GPC5: variants seen among roughly 807,000 people sequenced by gnomAD.
GPC5 encodes glypican 5.
A neutral mutation model predicts 53.9 loss-of-function variants in GPC5; 47 were observed. That is an observed-to-expected ratio of 0.87 (90% CI 0.69 to 1.11). The LOEUF (loss-of-function observed/expected upper bound fraction) is 1.11, where lower values mean the gene tolerates loss of function less well. GPC5 is among the 50% of genes most tolerant of loss of function. The probability of loss-of-function intolerance (pLI) is 0.00; values close to 1 mark genes in which losing one functional copy is unlikely to be tolerated. For missense variants in GPC5, 748 were observed against 713.1 expected (o/e 1.05, Z -0.56); for synonymous variants, 286 against 263.3 (o/e 1.09, Z -0.84).
intron 6 of GPC5, among the ~76,000 whole-genome samples, chr13:91,969,467 T>C (rs1287976117): frequency 6.6e-6 from 1 of 152,108 alleles, no homozygotes; most frequent in Non-Finnish European, 1.5e-5. Context: ...GTCTTGATGG[T>C]AATTTTTTTT....
intron 2 of GPC5, among the ~76,000 whole-genome samples, chr13:91,631,957 G>C (rs1247261939): frequency 6.6e-6 from 1 of 152,094 alleles, no homozygotes; most frequent in African/African-American, 2.4e-5. Flanking sequence ...TTAAAAGTTT[G>C]TACTGTAGAT....
chr13:92,603,179 A>G (rs965102455), intron 7 of GPC5, among the ~76,000 whole-genome samples: 2 of 152,226 alleles, frequency 1.3e-5, no homozygotes, highest in Admixed American at 6.5e-5. Flanking sequence ...TCTCAATTCC[A>G]ATAACTCAGT....
At chr13:92,059,235 A>C (rs1260102069) in intron 6 of GPC5, among the ~76,000 whole-genome samples, 19 of 151,532 alleles carry the variant, frequency 1.3e-4, no homozygotes, top group African/African-American at 4.2e-4. Context: ...AATAGTCTCA[A>C]CAATGCAGCA....
intron 2 of GPC5, among the ~76,000 whole-genome samples, chr13:91,650,164 C>T (rs2034662777): frequency 6.6e-6 from 1 of 152,050 alleles, no homozygotes; most frequent in African/African-American, 2.4e-5. Context: ...GTTATATAAA[C>T]ATACAATTTC....
chr13:91,461,358 G>T (rs992242242), intron 2 of GPC5, among the ~76,000 whole-genome samples: 1 of 152,142 alleles, frequency 6.6e-6, no homozygotes, highest in Non-Finnish European at 1.5e-5. Flanking sequence ...AACTGATTTT[G>T]TGATAGGATA....
At chr13:92,288,770 A>G (rs1358087175) in intron 7 of GPC5, among the ~76,000 whole-genome samples, 3 of 152,178 alleles carry the variant, frequency 2.0e-5, no homozygotes, top group Admixed American at 1.3e-4. Flanking sequence ...GTCGTTTTAA[A>G]AAATAGTATA....
chr13:92,241,164 A>G (rs1259264087), intron 7 of GPC5: 1 of 152,190 alleles, frequency 6.6e-6, no homozygotes, highest in Non-Finnish European at 1.5e-5. Context: ...TTGCAGAATT[A>G]TTGGTGCAGA....
intron 7 of GPC5, among the ~76,000 whole-genome samples, chr13:92,605,738 C>T (rs960099612): frequency 1.1e-4 from 16 of 151,976 alleles, no homozygotes; most frequent in South Asian, 4.1e-4. Flanking sequence ...TACAGGCGCC[C>T]GCCACCGCGC....
intron 6 of GPC5, among the ~76,000 whole-genome samples, chr13:92,130,779 T>C (rs2041736997): frequency 6.6e-6 from 1 of 151,996 alleles, no homozygotes; most frequent in South Asian, 2.1e-4. Context: ...AAGGTCCTTA[T>C]ATTGTTGGAG....
Position 91,600,072 on chromosome 13 carries a change from C to T in GPC5, c.326-93115C>T, listed in dbSNP as rs993983790. ...AGTAGCTGGGATTATAGGCACATGC[C>T]ACCACACCCAGCTAATTTTTTTGTA... On this transcript the variant is annotated intron_variant, in intron 2 of 7. Transcript: ENST00000377067. Among the ~76,000 whole-genome samples the T allele has an allele frequency of 4.6e-5, 7 of 152,206 alleles. No individual in the cohort carries two copies. In the East Asian group the frequency reaches 1.4e-3, roughly 29 times the overall value.
intron 5 of GPC5, among the ~76,000 whole-genome samples, chr13:91,900,237 T>G (rs935724296): frequency 2.0e-5 from 3 of 152,180 alleles, no homozygotes; most frequent in Non-Finnish European, 4.4e-5. Flanking sequence ...TTAAATAAAA[T>G]TTGTACTCTA....
At chr13:91,774,797 G>T (rs1429384919) in intron 5 of GPC5, among the ~76,000 whole-genome samples, 3 of 152,138 alleles carry the variant, frequency 2.0e-5, no homozygotes, top group Non-Finnish European at 2.9e-5. Context: ...GTGTTTCATT[G>T]CTTCCTGGTG....
intron 7 of GPC5, among the ~76,000 whole-genome samples, chr13:92,855,634 T>C (rs1406434286): frequency 7.0e-6 from 1 of 142,354 alleles, no homozygotes; most frequent in African/African-American, 2.7e-5. Flanking sequence ...AAAAAAAAAG[T>C]GAAGACCCAA....
chr13:91,734,540 G>A (rs898443788), intron 4 of GPC5, among the ~76,000 whole-genome samples: 1 of 151,426 alleles, frequency 6.6e-6, no homozygotes, highest in Non-Finnish European at 1.5e-5. Context: ...TACAGAGGTA[G>A]TGTCTAATAA....
intron 6 of GPC5, among the ~76,000 whole-genome samples, chr13:92,024,010 T>C (rs896174585): frequency 1.3e-5 from 2 of 152,142 alleles, no homozygotes; most frequent in East Asian, 3.9e-4. Flanking sequence ...AAAACATGGC[T>C]TAAGAAAGTG....
chr13:92,127,184 G>A (rs1295464785), intron 6 of GPC5, among the ~76,000 whole-genome samples: 2 of 152,070 alleles, frequency 1.3e-5, no homozygotes, highest in East Asian at 3.9e-4. Context: ...TTGGATGAAA[G>A]CGTGAATGAA....
At chr13:92,118,020 G>T (rs1409361091) in intron 6 of GPC5, among the ~76,000 whole-genome samples, 1 of 152,088 alleles carries the variant, frequency 6.6e-6, no homozygotes, top group African/African-American at 2.4e-5. Context: ...TTCTTGCCTT[G>T]GACCCAGTTT....
At chr13:92,630,808 T>C (rs774601431) in intron 7 of GPC5, among the ~76,000 whole-genome samples, 2 of 152,156 alleles carry the variant, frequency 1.3e-5, no homozygotes, top group African/African-American at 2.4e-5. Flanking sequence ...GTTAATGCAG[T>C]ATTATGTCAG....
At chr13:92,545,265 C>A (rs1376932106) in intron 7 of GPC5, among the ~76,000 whole-genome samples, 1 of 152,158 alleles carries the variant, frequency 6.6e-6, no homozygotes, top group Non-Finnish European at 1.5e-5. Context: ...TTTTTTATTG[C>A]TGCATAGTAT....
Sources: gnomAD v4.1 joint callset for allele counts (sites outside exome capture counted in the v4.1 genomes callset) on GRCh38, gnomAD v4.1.1 for gene constraint, MANE v1.5 for transcripts, NCBI Gene and HGNC (gene_info 2026-07-23, HGNC 2026-07-21) for gene names.